Variants in TNFAIP8L2 observed in about 807,000 individuals in gnomAD.
TNFAIP8L2 encodes the protein tumor necrosis factor alpha-induced protein 8-like protein 2.
In TNFAIP8L2, 2 loss-of-function variants were observed where a neutral mutation model predicts 5.6. The ratio of observed to expected loss-of-function variants is 0.36; its 90% CI spans 0.15 to 1.13. The LOEUF (loss-of-function observed/expected upper bound fraction) is 1.13, where lower values mean the gene tolerates loss of function less well. TNFAIP8L2 is among the 50% of genes most tolerant of loss of function. The pLI is 0.40. For synonymous variants in TNFAIP8L2, 91 were observed against 101.1 expected (o/e 0.90, Z 0.60); for missense variants, 216 against 241.8 (o/e 0.89, Z 0.71).
intron 1 of TNFAIP8L2, among the ~76,000 whole-genome samples, chr1:151,158,322 CA>C (rs587732030): frequency 0.16 from 13,234 of 83,758 alleles, 672 homozygotes; most frequent in African/African-American, 0.26. Flanking sequence ...GACTCCGTCT[CA>C]AAAAAAAAAA....
intron 1 of TNFAIP8L2, among the ~76,000 whole-genome samples, chr1:151,157,031 C>T (rs1016534819): frequency 6.6e-6 from 1 of 151,798 alleles, no homozygotes; most frequent in East Asian, 1.9e-4. Context: ...TATGGCCAGG[C>T]CAGAGGATCA....
rs1019014295 is a variant in TNFAIP8L2 at position 151,159,343 on chromosome 1, A to G, written c.*91A>G. On this transcript the variant is annotated 3_prime_UTR_variant, in exon 2 of 2. Transcript: ENST00000368910. Reference sequence around the variant, plus strand: ...TTCCTAACCCTGCTCACCTGGCACTAACACTTTTCAATCTTCAGGCTTCAT... The same window carrying G: ...TTCCTAACCCTGCTCACCTGGCACTGACACTTTTCAATCTTCAGGCTTCAT... 1 of 1,288,794 alleles carries G rather than the reference A, an allele frequency of 7.8e-7. No homozygotes were observed. Among genetic ancestry groups the G allele is most frequent in the Non-Finnish European group, 1.1e-6 (1 of 940,196 alleles). The allele number at this position is 1,288,794 out of a possible 1,614,324, so 79.8% of individuals were successfully genotyped here.
In TNFAIP8L2 at chr1:151,159,242, G is replaced by C; in HGVS notation, c.545G>C (p.Gly182Ala). 6.2e-7 allele frequency: 1 copy of C among 1,611,756 alleles called. No homozygotes were observed. Among genetic ancestry groups the C allele is most frequent in the Non-Finnish European group, 8.5e-7 (1 of 1,178,154 alleles). The change falls in exon 2 of 2, where the codon GGG (glycine) becomes GCG (alanine). Residue 182 changes from glycine (G) to alanine (A), a missense_variant. Transcript: ENST00000368910. ...CDGLRKLLDE[G>A]KL ...GGACTCAGGAAGCTGCTAGACGAAG[G>C]GAAGCTCTGAGAGCCCTGAGCCTAG...
At chr1:151,156,870 G>C (rs1239914967) in intron 1 of TNFAIP8L2, 148 bp downstream of exon 1, 1 of 152,446 alleles carries the variant, frequency 6.6e-6, no homozygotes, top group Non-Finnish European at 1.5e-5. Flanking sequence ...TAGTTTTTCT[G>C]GTGGCAAGGC....
At position 151,159,127 on chromosome 1, in the gene TNFAIP8L2, C is replaced by T. The variant is rs375994867; in HGVS notation, c.430C>T (p.Arg144Cys). ...CACGCCCAAGTCACATGGCCGCATC[C>T]GCCACGTGTTTGATCACTTCTCTGA... ...HLTPKSHGRI[R>C]HVFDHFSDPG... is the part of the protein sequence containing the mutation. The change falls in exon 2 of 2, where the codon CGC (arginine) becomes TGC (cysteine). Residue 144 changes from arginine to cysteine, a missense_variant. Coordinates refer to ENST00000368910, the MANE Select transcript of TNFAIP8L2 (RefSeq NM_024575.5). 6.2e-6 allele frequency: 10 copies of T among 1,614,078 alleles called. No homozygotes were observed. The highest frequency in any genetic ancestry group is 1.7e-5 in the Admixed American group (1 of 60,014).
intron 1 of TNFAIP8L2, among the ~76,000 whole-genome samples, chr1:151,158,159 C>A (rs1197157773): frequency 6.6e-6 from 1 of 151,982 alleles, no homozygotes; most frequent in Non-Finnish European, 1.5e-5. Flanking sequence ...GCTGTCTCTA[C>A]TAAAAATACA....
Position 151,158,710 on chromosome 1 carries a change from A to C in TNFAIP8L2, c.13A>C (p.Ser5Arg). The C allele has an allele frequency of 6.2e-7, 1 of 1,602,274 alleles. No homozygotes were observed. The highest frequency in any genetic ancestry group is 8.5e-7 in the Non-Finnish European group (1 of 1,172,768). The change falls in exon 2 of 2, where the codon AGC becomes CGC. Residue 5 changes from serine (S) to arginine (R), a missense_variant. Transcript: ENST00000368910. Reference sequence around the variant, plus strand: ...CTCTCCAGGACCCATGGAGTCCTTCAGCTCAAAGAGCCTGGCACTGCAAGC... The same window carrying C: ...CTCTCCAGGACCCATGGAGTCCTTCCGCTCAAAGAGCCTGGCACTGCAAGC... MESF[S>R]SKSLALQAEK...
Position 151,159,308 on chromosome 1 carries a change from G to C in TNFAIP8L2, c.*56G>C, listed in dbSNP as rs587730231. The C allele has an allele frequency of 3.3e-6, 5 of 1,529,780 alleles. No homozygotes were observed. The African/African-American group carries it at 5.5e-5, about 17-fold the overall frequency. The allele number at this position is 1,529,780 out of a possible 1,614,324, so 94.8% of individuals were successfully genotyped here. On this transcript the variant is annotated 3_prime_UTR_variant, in exon 2 of 2. Transcript: ENST00000368910. ...CAAAATGGTTGACTGAGAAAACACAGATAATGGGCTTCCTAACCCTGCTCA... is the reference window on the plus strand; with the variant it reads ...CAAAATGGTTGACTGAGAAAACACACATAATGGGCTTCCTAACCCTGCTCA...
chr1:151,157,127 G>A (rs1030613278), intron 1 of TNFAIP8L2, among the ~76,000 whole-genome samples: 17 of 152,128 alleles, frequency 1.1e-4, no homozygotes, highest in Non-Finnish European at 2.4e-4. Context: ...ACGGCAATGG[G>A]GGCAATGGAG....
chr1:151,158,841 G>A lies in TNFAIP8L2; in HGVS notation c.144G>A (p.Glu48=), dbSNP rs766684751. 6 of 1,614,040 alleles carry A rather than the reference G, an allele frequency of 3.7e-6. No individual in the cohort carries two copies. Among genetic ancestry groups the A allele is most frequent in the African/African-American group, 2.7e-5 (2 of 74,916 alleles). The part of the protein sequence containing the change: ...VLDELYRVSK[E]YTHSRPQAQR... ...ATGAGCTCTACCGTGTGTCCAAGGA[G>A]TACACGCACAGCCGGCCCCAGGCCC... Residue 48 remains glutamate, a synonymous_variant, in exon 2 of 2, where the codon GAG becomes GAA. Coordinates refer to ENST00000368910, the MANE Select transcript of TNFAIP8L2 (RefSeq NM_024575.5).
rs1683339394 is a variant in TNFAIP8L2 at position 151,159,070 on chromosome 1, G to A, written c.373G>A (p.Asp125Asn). 6.2e-7 allele frequency: 1 copy of A among 1,614,046 alleles called. No homozygotes were observed. The highest frequency in any genetic ancestry group is 1.7e-5 in the Admixed American group (1 of 60,012). ...GGCTGGCCTGCTGACCGAGTGCCGG[G>A]ATGTGCTGCTAGAGTTGGTGGAACA... The part of the protein sequence containing the change: ...VLAGLLTECR[D>N]VLLELVEHHL... Residue 125 changes from aspartate (D) to asparagine (N), a missense_variant, in exon 2 of 2, where the codon GAT becomes AAT. Coordinates refer to ENST00000368910, the MANE Select transcript of TNFAIP8L2 (RefSeq NM_024575.5).
Position 151,159,297 on chromosome 1 carries a change from GA to G in TNFAIP8L2, c.*46del, listed in dbSNP as rs1281323647. 13 of 1,560,808 alleles carry G rather than the reference GA, an allele frequency of 8.3e-6. No individual in the cohort carries two copies. Among genetic ancestry groups the G allele is most frequent in the Non-Finnish European group, 1.1e-5 (13 of 1,148,002 alleles). On this transcript the variant is annotated 3_prime_UTR_variant, in exon 2 of 2. Transcript: ENST00000368910. ...TTCCACCTTGACAAAATGGTTGACT[GA>G]GAAAACACAGATAATGGGCTTCCTA... is the stretch of plus-strand genomic sequence containing the variant.
In TNFAIP8L2 at chr1:151,159,470, C is replaced by G; in HGVS notation, c.*218C>G. On this transcript the variant is annotated 3_prime_UTR_variant, in exon 2 of 2. Coordinates refer to ENST00000368910, the MANE Select transcript of TNFAIP8L2 (RefSeq NM_024575.5). ...GTGAGGCCTCTCTCCCACTCCAGCCCCAGGACAGGAAACAGAACTGCCTGA... is the reference window on the plus strand; with the variant it reads ...GTGAGGCCTCTCTCCCACTCCAGCCGCAGGACAGGAAACAGAACTGCCTGA... The G allele has an allele frequency of 3.7e-6, 2 of 544,590 alleles. No individual in the cohort carries two copies. The highest frequency in any genetic ancestry group is 4.7e-5 in the South Asian group (2 of 42,752). 33.7% of individuals were successfully genotyped at this position (544,590 alleles called of 1,614,324 possible). A position where few individuals can be genotyped will look rare whatever the true frequency, so the allele number is the denominator to read the frequency against.
Position 151,158,680 on chromosome 1 carries a change from C to A in TNFAIP8L2, c.-18C>A, listed in dbSNP as rs765453892. On this transcript the variant is annotated 5_prime_UTR_variant, in exon 2 of 2. Coordinates refer to ENST00000368910, the MANE Select transcript of TNFAIP8L2 (RefSeq NM_024575.5). The stretch of plus-strand genomic sequence containing the variant: ...CTTTCTTCTAGTGACTGACCACATA[C>A]CCCACTCTCCAGGACCCATGGAGTC... The A allele has an allele frequency of 1.1e-5, 17 of 1,557,772 alleles. No individual in the cohort carries two copies. Among genetic ancestry groups the A allele is most frequent in the Non-Finnish European group, 1.2e-5 (14 of 1,149,770 alleles).
rs367550367 is a variant in TNFAIP8L2 at position 151,159,104 on chromosome 1, C to A, written c.407C>A (p.Thr136Lys). 1 of 1,614,134 alleles carries A rather than the reference C, an allele frequency of 6.2e-7. No individual in the cohort carries two copies. The highest frequency in any genetic ancestry group is 1.6e-4 in the Middle Eastern group (1 of 6,062). ...VLLELVEHHL[T>K]PKSHGRIRHV... ...CTAGAGTTGGTGGAACACCACCTCA[C>A]GCCCAAGTCACATGGCCGCATCCGC... is the stretch of plus-strand genomic sequence containing the variant. Residue 136 changes from threonine (T) to lysine (K), a missense_variant, in exon 2 of 2, where the codon ACG becomes AAG. Thr to Lys is a moderately conservative substitution (Grantham distance 78). Transcript: ENST00000368910.
At chr1:151,156,955 A>T (rs1683242772) in intron 1 of TNFAIP8L2, among the ~76,000 whole-genome samples, 1 of 152,102 alleles carries the variant, frequency 6.6e-6, no homozygotes, top group Non-Finnish European at 1.5e-5. Context: ...ATCCATATGG[A>T]TGTGTGCGAA....
chr1:151,159,299 G>C lies in TNFAIP8L2; in HGVS notation c.*47G>C, dbSNP rs375563946. The stretch of plus-strand genomic sequence containing the variant: ...CCACCTTGACAAAATGGTTGACTGA[G>C]AAAACACAGATAATGGGCTTCCTAA... On this transcript the variant is annotated 3_prime_UTR_variant, in exon 2 of 2. Coordinates refer to ENST00000368910, the MANE Select transcript of TNFAIP8L2 (RefSeq NM_024575.5). 1.9e-6 allele frequency: 3 copies of C among 1,554,808 alleles called. No homozygotes were observed. In the South Asian group the frequency reaches 3.6e-5, roughly 18 times the overall value.
At position 151,158,928 on chromosome 1, in the gene TNFAIP8L2, C is replaced by T. The variant is rs925729484; in HGVS notation, c.231C>T (p.Gly77=). ...AGGTGGCTGTGCTGCACCGCAATGG[C>T]TCCTTTGGCCCCAGTGAGCTGGCCC... ...AIKVAVLHRN[G]SFGPSELALA... Residue 77 remains glycine, a synonymous_variant, in exon 2 of 2, where the codon GGC becomes GGT. Coordinates refer to ENST00000368910, the MANE Select transcript of TNFAIP8L2 (RefSeq NM_024575.5). The T allele has an allele frequency of 1.9e-6, 3 of 1,614,256 alleles. No individual in the cohort carries two copies. Among genetic ancestry groups the T allele is most frequent in the Admixed American group, 3.3e-5 (2 of 60,032 alleles).
intron 1 of TNFAIP8L2, among the ~76,000 whole-genome samples, chr1:151,158,359 C>T (rs1683301293): frequency 6.6e-6 from 1 of 151,820 alleles, no homozygotes; most frequent in Non-Finnish European, 1.5e-5. Context: ...GTCAGGTAAG[C>T]CCTGTCTTCA....
Sources: gnomAD v4.1 joint callset for allele counts (sites outside exome capture counted in the v4.1 genomes callset) on GRCh38, gnomAD v4.1.1 for gene constraint, MANE v1.5 for transcripts, NCBI Gene and HGNC (gene_info 2026-07-23, HGNC 2026-07-21) for gene names.